The following PTPRD variants were observed in gnomAD, a reference collection of about 807,000 sequenced individuals.
The protein encoded by PTPRD is protein tyrosine phosphatase receptor type D.
In PTPRD, 34 loss-of-function variants were observed where a neutral mutation model predicts 214.5. The observed-to-expected ratio is 0.16, with a 90% CI of 0.12 to 0.21. The LOEUF is 0.21. PTPRD is among the 10% of genes least tolerant of loss of function. The probability of loss-of-function intolerance (pLI) is 1.00; values close to 1 mark genes in which losing one functional copy is unlikely to be tolerated. For synonymous variants in PTPRD, 1,128 were observed against 845.7 expected (o/e 1.33, Z -5.79); for missense variants, 2,545 against 2,398.7 (o/e 1.06, Z -1.27).
At chr9:8,936,719 T>C (rs2099000620) in intron 11 of PTPRD, among the ~76,000 whole-genome samples, 1 of 152,198 alleles carries the variant, frequency 6.6e-6, no homozygotes, top group African/African-American at 2.4e-5. Flanking sequence ...CTTAATTTTA[T>C]AAGCCTGTTC....
chr9:9,335,781 A>G (rs897648152), intron 9 of PTPRD, among the ~76,000 whole-genome samples: 2 of 152,090 alleles, frequency 1.3e-5, no homozygotes, highest in Non-Finnish European at 2.9e-5. Context: ...ACAAATGAGG[A>G]CCCAGAAACT....
At chr9:9,512,503 G>C (rs1318396677) in intron 8 of PTPRD, among the ~76,000 whole-genome samples, 2 of 151,774 alleles carry the variant, frequency 1.3e-5, no homozygotes, top group East Asian at 3.9e-4. Context: ...AGCTTACAGA[G>C]AATATGTAAG....
At chr9:9,294,564 A>C (rs1237804937) in intron 9 of PTPRD, among the ~76,000 whole-genome samples, 1 of 151,684 alleles carries the variant, frequency 6.6e-6, no homozygotes, top group Admixed American at 6.6e-5. Context: ...TAGTGTTCTT[A>C]CAAATAGAGA....
intron 12 of PTPRD, among the ~76,000 whole-genome samples, chr9:8,681,440 T>A (rs191381123): frequency 9.3e-4 from 141 of 152,332 alleles, no homozygotes; most frequent in Admixed American, 9.2e-3. Context: ...AGCAACAGTT[T>A]AACCAAGAAG....
intron 5 of PTPRD, among the ~76,000 whole-genome samples, chr9:9,912,062 C>A (rs961433261): frequency 6.6e-6 from 1 of 151,982 alleles, no homozygotes; most frequent in Non-Finnish European, 1.5e-5. Flanking sequence ...TACAGCCTTG[C>A]TGATATATCT....
intron 11 of PTPRD, among the ~76,000 whole-genome samples, chr9:8,774,976 C>T (rs2095410408): frequency 6.6e-6 from 1 of 152,170 alleles, no homozygotes; most frequent in South Asian, 2.1e-4. Flanking sequence ...GTCTCTACCA[C>T]CCTGTACTAG....
intron 7 of PTPRD, among the ~76,000 whole-genome samples, chr9:9,702,590 T>C (rs1168762815): frequency 6.6e-6 from 1 of 152,146 alleles, no homozygotes; most frequent in South Asian, 2.1e-4. Context: ...AACAGTACTT[T>C]CAAGCCACTT....
intron 8 of PTPRD, among the ~76,000 whole-genome samples, chr9:9,464,259 A>G (rs1431160966): frequency 6.6e-6 from 1 of 152,142 alleles, no homozygotes; most frequent in East Asian, 1.9e-4. Context: ...CATCGTATCC[A>G]ATAGGTAATC....
At chr9:10,480,499 A>C (rs2099090798) in intron 2 of PTPRD, among the ~76,000 whole-genome samples, 1 of 152,214 alleles carries the variant, frequency 6.6e-6, no homozygotes, top group African/African-American at 2.4e-5. Context: ...ATACTCAAAG[A>C]TTAATAAATA....
At chr9:9,623,650 T>C (rs2095322512) in intron 7 of PTPRD, among the ~76,000 whole-genome samples, 1 of 152,190 alleles carries the variant, frequency 6.6e-6, no homozygotes, top group Non-Finnish European at 1.5e-5. Context: ...GTTACTCCTG[T>C]GTGGTACAAT....
rs952221530 is a variant in PTPRD at position 9,627,088 on chromosome 9, C to A, written c.-286-52307G>T. ...CCACACTTTGGGAGGCCAAGGCTGTCAGATCACTTGAGGTCAGGAGTTCGA... is the reference window on the plus strand; with the variant it reads ...CCACACTTTGGGAGGCCAAGGCTGTAAGATCACTTGAGGTCAGGAGTTCGA... On this transcript the variant is annotated intron_variant, in intron 7 of 45. Coordinates refer to ENST00000381196, the MANE Select transcript of PTPRD (RefSeq NM_002839.4). 5.8e-4 allele frequency among the ~76,000 whole-genome samples: 88 copies of A among 152,106 alleles called. 1 individual carries two copies. Among genetic ancestry groups the A allele is most frequent in the Admixed American group, 2.9e-3 (44 of 15,262 alleles).
At chr9:9,012,459 T>C (rs982944022) in intron 11 of PTPRD, among the ~76,000 whole-genome samples, 25 of 152,288 alleles carry the variant, frequency 1.6e-4, no homozygotes. Flanking sequence ...ATTCACCATA[T>C]TTAAGATGAC....
chr9:10,383,664 T>A (rs889043102), intron 2 of PTPRD, among the ~76,000 whole-genome samples: 1 of 151,854 alleles, frequency 6.6e-6, no homozygotes. Flanking sequence ...ATGTGTTTCA[T>A]CTGCACCATT....
At position 9,551,069 on chromosome 9, in the gene PTPRD, A is replaced by T. The variant is rs754006481; in HGVS notation, c.-237+23663T>A. ...AATTTAATCATGTAAATACTACATG[A>T]CCCCATAGTTACACTCAATTTATAA... is the stretch of plus-strand genomic sequence containing the variant. On this transcript the variant is annotated intron_variant, in intron 8 of 45. Coordinates refer to ENST00000381196, the MANE Select transcript of PTPRD (RefSeq NM_002839.4). Among the ~76,000 whole-genome samples the T allele has an allele frequency of 2.0e-5, 3 of 152,036 alleles. No homozygotes were observed. The South Asian group carries it at 6.2e-4, about 32-fold the overall frequency.
chr9:8,543,064 A>C (rs1193989464), intron 14 of PTPRD, among the ~76,000 whole-genome samples: 1 of 152,236 alleles, frequency 6.6e-6, no homozygotes, highest in Non-Finnish European at 1.5e-5. Context: ...CATGAAATTA[A>C]GAATCTCCTT....
rs370429657 is a variant in PTPRD, at chr9:10,189,256, C to T, written c.-545+151707G>A. ...CACTGTGGGAATTGCCCTGCTGCCA[C>T]TTTTAGGGTGACTCCAGCTGCTGGC... On this transcript the variant is annotated intron_variant, in intron 3 of 45. Transcript: ENST00000381196. Among the ~76,000 whole-genome samples, 9 of 152,232 alleles carry T rather than the reference C, an allele frequency of 5.9e-5. 1 individual carries two copies. The South Asian group carries it at 8.3e-4, about 14-fold the overall frequency.
chr9:8,713,269 C>T, intron 12 of PTPRD: 1 of 664,476 alleles, frequency 1.5e-6, no homozygotes, highest in Non-Finnish European at 2.7e-6. Flanking sequence ...AATCTTTATC[C>T]ACTGAGCTTT....
At chr9:10,249,318 A>C (rs2092552283) in intron 3 of PTPRD, among the ~76,000 whole-genome samples, 1 of 152,182 alleles carries the variant, frequency 6.6e-6, no homozygotes, top group African/African-American at 2.4e-5. Flanking sequence ...ACATAAAAAG[A>C]CATCATTGTA....
intron 2 of PTPRD, among the ~76,000 whole-genome samples, chr9:10,544,693 C>A (rs531782368): frequency 6.6e-6 from 1 of 152,288 alleles, no homozygotes; most frequent in South Asian, 2.1e-4. Context: ...AATGTGTAAT[C>A]TGACAACATC....
Sources: gnomAD v4.1 joint callset for allele counts (sites outside exome capture counted in the v4.1 genomes callset) on GRCh38, gnomAD v4.1.1 for gene constraint, MANE v1.5 for transcripts, NCBI Gene and HGNC (gene_info 2026-07-23, HGNC 2026-07-21) for gene names.